Variants in LIPA observed in about 807,000 individuals in gnomAD.
The protein encoded by LIPA is lysosomal acid lipase/cholesteryl ester hydrolase.
A neutral mutation model predicts 40.6 loss-of-function variants in LIPA; 26 were observed. The ratio of observed to expected loss-of-function variants is 0.64; its 90% CI spans 0.47 to 0.89. The LOEUF (loss-of-function observed/expected upper bound fraction) is 0.89, where lower values mean the gene tolerates loss of function less well. LIPA is among the 40% of genes least tolerant of loss of function. The probability of loss-of-function intolerance (pLI) is 0.00; values close to 1 mark genes in which losing one functional copy is unlikely to be tolerated. For missense variants in LIPA, 455 were observed against 479.6 expected, an observed-to-expected ratio of 0.95 and a Z score of 0.48; for synonymous variants, 188 against 168.4, an observed-to-expected ratio of 1.12 and a Z score of -0.90.
At chr10:89,277,284 C>T (rs181191110) in intron 1 of LIPA, among the ~76,000 whole-genome samples, 1 of 152,172 alleles carries the variant, frequency 6.6e-6, no homozygotes, top group Non-Finnish European at 1.5e-5. Context: ...TACAAGTGTG[C>T]GATCTTATAC....
chr10:89,362,337 T>C (rs989921292), intron 2 of LIPA: 1 of 153,316 alleles, frequency 6.5e-6, no homozygotes, highest in African/African-American at 2.4e-5. Context: ...CTTGAGCAGT[T>C]GAGATGTCAC....
intron 2 of LIPA, among the ~76,000 whole-genome samples, chr10:89,358,533 C>T (rs1844001888): frequency 6.6e-6 from 1 of 152,154 alleles, no homozygotes; most frequent in African/African-American, 2.4e-5. Flanking sequence ...ACTAAGTGTC[C>T]ATCAGTGGAT....
Position 89,304,951 on chromosome 10 carries a change from C to T in LIPA, c.-2+37660G>A, listed in dbSNP as rs145657936. Among the ~76,000 whole-genome samples the T allele has an allele frequency of 8.8e-4, 133 of 151,436 alleles. 1 individual carries two copies. In the Middle Eastern group the frequency reaches 0.01, roughly 12 times the overall value. ...CCTTCCCTGTAGCTGCACTTCTTGC[C>T]CCTTATTATAAAAGCAAAACCCAGA... On this transcript the variant is annotated intron_variant, in intron 1 of 5. Transcript: ENST00000282673.
chr10:89,409,176 A>G (rs1841450199), intron 2 of LIPA, among the ~76,000 whole-genome samples: 1 of 152,210 alleles, frequency 6.6e-6, no homozygotes, highest in Non-Finnish European at 1.5e-5. Flanking sequence ...ATCAGGAGAA[A>G]GCTCCAAAAG....
At chr10:89,401,921 A>T (rs754296996) in intron 2 of LIPA, among the ~76,000 whole-genome samples, 1 of 152,216 alleles carries the variant, frequency 6.6e-6, no homozygotes, top group African/African-American at 2.4e-5. Context: ...TGTCCTAATT[A>T]TCTTAATATT....
chr10:89,397,730 T>A (rs867318430), intron 2 of LIPA, among the ~76,000 whole-genome samples: 13 of 152,332 alleles, frequency 8.5e-5, no homozygotes, highest in Middle Eastern at 3.4e-3. Context: ...CTACAAATTA[T>A]CTATTCACAT....
chr10:89,224,114 T>C (rs186549777), intron 6 of LIPA, among the ~76,000 whole-genome samples: 1 of 152,290 alleles, frequency 6.6e-6, no homozygotes, highest in East Asian at 1.9e-4. Context: ...GCCTTAATGA[T>C]CACCCCTCCC....
chr10:89,344,852 G>A (rs190032274), upstream of LIPA, among the ~76,000 whole-genome samples: 337 of 152,186 alleles, frequency 2.2e-3, 4 homozygotes, highest in Middle Eastern at 6.8e-3. Context: ...GATAATAAAC[G>A]ATAAGCCAGA....
intron 2 of LIPA, chr10:89,384,920 C>G: frequency 1.7e-6 from 1 of 571,594 alleles, no homozygotes; most frequent in Non-Finnish European, 3.1e-6. Context: ...TGTAAATGAT[C>G]AGGAAAGGCC....
At chr10:89,276,741 T>C (rs962848621) in intron 1 of LIPA, among the ~76,000 whole-genome samples, 11 of 152,240 alleles carry the variant, frequency 7.2e-5, no homozygotes, top group Non-Finnish European at 1.3e-4. Flanking sequence ...CAAAGTGTTA[T>C]TCTAAGTGGT....
At position 89,370,027 on chromosome 10, in the gene LIPA, A is replaced by C. The variant is rs565926282; in HGVS notation, c.61+42764T>G. ...TCAGGTGTGTGGGGGAACCCCCAGC[A>C]TCTGACACTGCAGGCTTTTATGTAG... On this transcript the variant is annotated intron_variant, in intron 2 of 8. Transcript: ENST00000371837. 7.2e-5 allele frequency among the ~76,000 whole-genome samples: 11 copies of C among 152,398 alleles called. No homozygotes were observed. In the East Asian group the frequency reaches 2.1e-3, roughly 29 times the overall value.
rs1168302411 is a variant in LIPA, at chr10:89,382,211, A to T, written c.61+30580T>A. 2.6e-5 allele frequency among the ~76,000 whole-genome samples: 4 copies of T among 152,326 alleles called. No individual in the cohort carries two copies. In the East Asian group the frequency reaches 7.7e-4, roughly 29 times the overall value. On this transcript the variant is annotated intron_variant, in intron 2 of 8. Coordinates refer to the LIPA transcript ENST00000371837. ...AAAATTGTTTTTGCTATACATTGCCATATAGAGAGTAAGAGAAAATTTCAT... is the reference window on the plus strand; with the variant it reads ...AAAATTGTTTTTGCTATACATTGCCTTATAGAGAGTAAGAGAAAATTTCAT...
chr10:89,303,638 G>C (rs1023962075), intron 1 of LIPA, among the ~76,000 whole-genome samples: 9 of 152,192 alleles, frequency 5.9e-5, no homozygotes, highest in Admixed American at 5.9e-4. Flanking sequence ...TTACCTAAGT[G>C]TGTATATTAA....
intron 1 of LIPA, chr10:89,308,878 GT>G: frequency 6.6e-6 from 1 of 152,244 alleles, no homozygotes; most frequent in South Asian, 2.1e-4. Flanking sequence ...TCCTGAAAAT[GT>G]CATATATTTT....
chr10:89,346,426 G>C (rs950749008), upstream of LIPA, among the ~76,000 whole-genome samples: 128 of 152,084 alleles, frequency 8.4e-4, 1 homozygote, highest in Non-Finnish European at 1.5e-4. Context: ...AATGACCTTT[G>C]TTCACAGTGT....
rs557616870 is a variant in LIPA at position 89,394,025 on chromosome 10, C to A, written c.61+18766G>T. On this transcript the variant is annotated intron_variant, in intron 2 of 8. Coordinates refer to the LIPA transcript ENST00000371837. ...TAATTCTCAAAAGATACTTATAAGG[C>A]AGGTACTTACACAGTCATGCATCGT... 1.9e-4 allele frequency among the ~76,000 whole-genome samples: 29 copies of A among 152,250 alleles called. 2 individuals carry two copies. The highest frequency in any genetic ancestry group is 3.4e-3 in the Middle Eastern group (1 of 294).
At chr10:89,275,637 T>C (rs1843285946) in intron 1 of LIPA, among the ~76,000 whole-genome samples, 1 of 152,260 alleles carries the variant, frequency 6.6e-6, no homozygotes, top group Admixed American at 6.5e-5. Flanking sequence ...CCAGTGGCTC[T>C]GCCTCTGTTG....
chr10:89,270,636 C>T (rs1476434022), intron 1 of LIPA, among the ~76,000 whole-genome samples: 3 of 152,194 alleles, frequency 2.0e-5, no homozygotes, highest in African/African-American at 2.4e-5. Context: ...TGGGCCTGCT[C>T]CTCTAGCCCA....
intron 3 of LIPA, among the ~76,000 whole-genome samples, chr10:89,240,733 A>C (rs1842955213): frequency 6.6e-6 from 1 of 152,154 alleles, no homozygotes. Context: ...ATACAGCTTC[A>C]AGTTTTACCC....
Sources: gnomAD v4.1 joint callset for allele counts (sites outside exome capture counted in the v4.1 genomes callset) on GRCh38, gnomAD v4.1.1 for gene constraint, MANE v1.5 for transcripts, NCBI Gene and HGNC (gene_info 2026-07-23, HGNC 2026-07-21) for gene names.